The following UNC13C variants were observed in gnomAD, a reference collection of about 807,000 sequenced individuals.
UNC13C encodes the protein unc-13 homolog C, also known as protein unc-13 homolog C.
A neutral mutation model predicts 245.4 loss-of-function variants in UNC13C; 174 were observed. The ratio of observed to expected loss-of-function variants is 0.71; its 90% CI spans 0.63 to 0.80. UNC13C has a LOEUF of 0.80. UNC13C is among the 30% of genes least tolerant of loss of function. The pLI is 0.00. For missense variants in UNC13C, 2,829 were observed against 2,602.9 expected (o/e 1.09, Z -1.89); for synonymous variants, 992 against 895.1 (o/e 1.11, Z -1.93).
At chr15:54,194,971 T>G (rs1397119674) in intron 4 of UNC13C, among the ~76,000 whole-genome samples, 1 of 152,196 alleles carries the variant, frequency 6.6e-6, no homozygotes, top group Non-Finnish European at 1.5e-5. Context: ...CCATTTAGTT[T>G]GTCATCTTTT....
At chr15:54,060,467 A>G (rs1402179495) in intron 2 of UNC13C, among the ~76,000 whole-genome samples, 1 of 152,204 alleles carries the variant, frequency 6.6e-6, no homozygotes, top group African/African-American at 2.4e-5. Context: ...GTCAGGAAAC[A>G]ACAGGTGCTG....
chr15:54,567,940 C>G lies in UNC13C; in HGVS notation c.6099C>G (p.Thr2033=), dbSNP rs771652928. 31 of 1,566,316 alleles carry G rather than the reference C, an allele frequency of 2.0e-5. No individual in the cohort carries two copies. The highest frequency in any genetic ancestry group is 9.2e-5 in the East Asian group (4 of 43,576). The change falls in exon 30 of 33, where the codon ACC becomes ACG. Residue 2033 remains threonine, a synonymous_variant. Transcript: ENST00000260323. The part of the protein sequence containing the change: ...ALIKKFIDTQ[T]SQSRSSKDAV... The stretch of plus-strand genomic sequence containing the variant: ...TAAAGAAATTCATAGATACTCAAAC[C>G]TCACAGAGTAAGTAACACATAGGAC...
At chr15:54,095,920 A>T (rs533618852) in intron 2 of UNC13C, among the ~76,000 whole-genome samples, 1 of 152,216 alleles carries the variant, frequency 6.6e-6, no homozygotes, top group Non-Finnish European at 1.5e-5. Context: ...ATTTGACTGG[A>T]GTCTTGAAAG....
chr15:53,843,484 C>T, the UNC13C span, among the ~76,000 whole-genome samples: 1 of 152,006 alleles, frequency 6.6e-6, no homozygotes, highest in East Asian at 1.9e-4. Context: ...ACATATATCA[C>T]TCTTTAGGGT....
chr15:54,271,079 A>T (rs1272110661), intron 10 of UNC13C, among the ~76,000 whole-genome samples: 1 of 152,126 alleles, frequency 6.6e-6, no homozygotes, highest in East Asian at 1.9e-4. Context: ...TATTTATCTT[A>T]CTTTAAAACA....
chr15:54,148,178 A>G (rs1018182413), intron 4 of UNC13C, among the ~76,000 whole-genome samples: 3 of 152,292 alleles, frequency 2.0e-5, no homozygotes. Context: ...TTAAATTAAA[A>G]CAGAAGCTTC....
intron 2 of UNC13C, among the ~76,000 whole-genome samples, chr15:54,033,137 T>TA (rs956949885): frequency 1.8e-4 from 27 of 151,850 alleles, no homozygotes; most frequent in African/African-American, 5.6e-4. Flanking sequence ...CCTATGGAAA[T>TA]AAAAAAAATT....
the UNC13C span, among the ~76,000 whole-genome samples, chr15:53,881,632 G>A: frequency 6.6e-6 from 1 of 152,208 alleles, no homozygotes; most frequent in African/African-American, 2.4e-5. Context: ...GAGCTTTTAA[G>A]CACCTGATTT....
At chr15:54,105,287 G>C (rs1434324801) in intron 2 of UNC13C, among the ~76,000 whole-genome samples, 1 of 152,114 alleles carries the variant, frequency 6.6e-6, no homozygotes, top group Admixed American at 6.5e-5. Context: ...CAGGACATGG[G>C]GGGGTCTCAG....
At chr15:53,853,650 G>T in the UNC13C span, among the ~76,000 whole-genome samples, 179 of 152,290 alleles carry the variant, frequency 1.2e-3, 2 homozygotes, top group Non-Finnish European at 1.8e-4. Flanking sequence ...AACTTCGCCA[G>T]TATCTGTTGT....
chr15:53,867,500 T>C, the UNC13C span, among the ~76,000 whole-genome samples: 1 of 152,280 alleles, frequency 6.6e-6, no homozygotes, highest in East Asian at 1.9e-4. Flanking sequence ...ACTTCTGCAG[T>C]TCTTTACTAA....
chr15:54,317,864 C>A (rs574839985), intron 13 of UNC13C, among the ~76,000 whole-genome samples: 3 of 151,834 alleles, frequency 2.0e-5, no homozygotes, highest in Admixed American at 2.0e-4. Context: ...AATGTTATAT[C>A]CTTTGACCAG....
At chr15:54,268,972 T>C (rs74013582) in intron 10 of UNC13C, among the ~76,000 whole-genome samples, 3,812 of 152,052 alleles carry the variant, frequency 0.025, 157 homozygotes, top group African/African-American at 0.088. Context: ...GCTGCCTTGG[T>C]CTTCCCCAAC....
intron 19 of UNC13C, among the ~76,000 whole-genome samples, chr15:54,486,126 G>A (rs896932787): frequency 2.6e-5 from 4 of 151,926 alleles, no homozygotes; most frequent in Admixed American, 6.6e-5. Flanking sequence ...ATAGTACCCA[G>A]TGGCCGGGCA....
chr15:54,294,902 A>G (rs1439986189), intron 11 of UNC13C, among the ~76,000 whole-genome samples: 1 of 152,204 alleles, frequency 6.6e-6, no homozygotes, highest in Non-Finnish European at 1.5e-5. Flanking sequence ...AAATCTGCAT[A>G]CTTTTAGTAA....
chr15:54,369,371 C>A (rs2140879868), intron 17 of UNC13C, among the ~76,000 whole-genome samples: 1 of 152,238 alleles, frequency 6.6e-6, no homozygotes, highest in South Asian at 2.1e-4. Flanking sequence ...TTGCTGATTG[C>A]AATCCAGCAT....
intron 26 of UNC13C, among the ~76,000 whole-genome samples, chr15:54,541,821 C>T (rs1896259898): frequency 6.6e-6 from 1 of 152,026 alleles, no homozygotes; most frequent in Admixed American, 6.6e-5. Context: ...TACCTTACAC[C>T]TATTAAAATA....
chr15:54,038,375 C>T (rs780777869), intron 2 of UNC13C, among the ~76,000 whole-genome samples: 7 of 151,486 alleles, frequency 4.6e-5, no homozygotes, highest in South Asian at 4.2e-4. Context: ...CAAAGTGATC[C>T]GCCCACCTCT....
Position 54,035,294 on chromosome 15 carries a change from G to A in UNC13C, c.2983+19408G>A, listed in dbSNP as rs531371440. 1.2e-4 allele frequency among the ~76,000 whole-genome samples: 19 copies of A among 152,118 alleles called. No individual in the cohort carries two copies. The South Asian group carries it at 3.7e-3, about 30-fold the overall frequency. Reference sequence around the variant, plus strand: ...AAACAAAAATCCAAAGTGCAGAATAGCATGTTACATGATTACATATACACA... The same window carrying A: ...AAACAAAAATCCAAAGTGCAGAATAACATGTTACATGATTACATATACACA... On this transcript the variant is annotated intron_variant, in intron 2 of 32. Transcript: ENST00000260323.
Sources: gnomAD v4.1 joint callset for allele counts (sites outside exome capture counted in the v4.1 genomes callset) on GRCh38, gnomAD v4.1.1 for gene constraint, MANE v1.5 for transcripts, NCBI Gene and HGNC (gene_info 2026-07-23, HGNC 2026-07-21) for gene names.